Variants in MAMLD1 observed in about 807,000 individuals in gnomAD.
The protein encoded by MAMLD1 is mastermind-like domain-containing protein 1.
Under a neutral mutation model 45.0 loss-of-function variants are expected in MAMLD1, and 14 were observed. The ratio of observed to expected loss-of-function variants is 0.31; its 90% confidence interval spans 0.21 to 0.49. The LOEUF (loss-of-function observed/expected upper bound fraction) is 0.49. MAMLD1 is among the 20% of genes least tolerant of loss of function. The pLI, the probability that MAMLD1 is intolerant of heterozygous loss-of-function variation, is 0.99. For synonymous variants in MAMLD1, 254 were observed against 247.8 expected, an observed-to-expected ratio of 1.02 and a Z score of -0.24; for missense variants, 543 against 603.6, an observed-to-expected ratio of 0.90 and a Z score of 1.05.
At chrX:150,496,723 C>A (rs1557408289) in intron 5 of MAMLD1, among the ~76,000 whole-genome samples, 2 of 111,771 alleles carry the variant, frequency 1.8e-5, no homozygotes, top group African/African-American at 6.5e-5. Flanking sequence ...CCACCAACCT[C>A]ATTACCCAGC....
chrX:150,511,196 C>T lies in MAMLD1; in HGVS notation c.*45-808C>T, dbSNP rs782737551. Among the ~76,000 whole-genome samples, 93 of 111,071 alleles carry T rather than the reference C, an allele frequency of 8.4e-4. 1 individual carries two copies. The highest frequency in any genetic ancestry group is 3.0e-3 in the African/African-American group (92 of 30,564). ...CTGCTGCATGACTCAGTGTCCACCC[C>T]AAAAAAGTACCGGTAGATATTGGCC... is the stretch of plus-strand genomic sequence containing the variant. On this transcript the variant is annotated intron_variant, in intron 7 of 7. Coordinates refer to ENST00000370401, the MANE Select transcript of MAMLD1 (RefSeq NM_005491.5).
intron 1 of MAMLD1, among the ~76,000 whole-genome samples, chrX:150,409,688 T>C (rs1469151289): frequency 2.7e-5 from 3 of 111,783 alleles, no homozygotes; most frequent in African/African-American, 9.8e-5. Context: ...TCCTTTCCTC[T>C]GATAATGGCA....
intron 1 of MAMLD1, among the ~76,000 whole-genome samples, chrX:150,368,911 A>G (rs1282394590): frequency 9.0e-6 from 1 of 111,458 alleles, no homozygotes; most frequent in Non-Finnish European, 1.9e-5. Context: ...GTTCTGTTCC[A>G]TTGGTCTATA....
chrX:150,472,811 G>A (rs938460706), intron 4 of MAMLD1, among the ~76,000 whole-genome samples: 5 of 111,880 alleles, frequency 4.5e-5, no homozygotes, highest in African/African-American at 1.6e-4. Context: ...TAAATACCAG[G>A]AGGCAGGGTT....
chrX:150,403,987 A>AGGGAG (rs2033925080), intron 1 of MAMLD1, among the ~76,000 whole-genome samples: 1 of 96,803 alleles, frequency 1.0e-5, no homozygotes, highest in African/African-American at 3.8e-5. Context: ...AAAGAAAGAA[A>AGGGAG]GAAAGAAAGA....
At chrX:150,463,682 C>T (rs2036124646) in intron 3 of MAMLD1, among the ~76,000 whole-genome samples, 1 of 111,883 alleles carries the variant, frequency 8.9e-6, no homozygotes, top group African/African-American at 3.3e-5. Flanking sequence ...CTCCAGGCTG[C>T]TGCTCAGATA....
At chrX:150,442,819 A>C (rs782120442) in intron 1 of MAMLD1, among the ~76,000 whole-genome samples, 7 of 111,477 alleles carry the variant, frequency 6.3e-5, no homozygotes, top group African/African-American at 1.3e-4. Flanking sequence ...TTTTCTTTAG[A>C]TATTCTCTTT....
intron 1 of MAMLD1, among the ~76,000 whole-genome samples, chrX:150,383,302 G>C (rs889263048): frequency 9.0e-6 from 1 of 110,979 alleles, no homozygotes. Flanking sequence ...ATAAATGTCA[G>C]TTGCAAGTAT....
chrX:150,435,443 G>A (rs1050457862), intron 1 of MAMLD1, among the ~76,000 whole-genome samples: 1 of 111,742 alleles, frequency 8.9e-6, no homozygotes, highest in African/African-American at 3.3e-5. Context: ...GAACCTGGGA[G>A]GTGGAGGTTG....
chrX:150,447,307 C>T (rs1390199125), intron 2 of MAMLD1, among the ~76,000 whole-genome samples: 2 of 112,257 alleles, frequency 1.8e-5, no homozygotes, highest in African/African-American at 3.2e-5. Flanking sequence ...AAAGAGTTCT[C>T]TGTTGGTTCT....
chrX:150,423,567 T>C (rs1557403673), intron 1 of MAMLD1, among the ~76,000 whole-genome samples: 1 of 109,614 alleles, frequency 9.1e-6, no homozygotes, highest in African/African-American at 3.3e-5. Flanking sequence ...AGGGGGCCCT[T>C]TTCCTCCAGG....
Position 150,411,360 on chromosome X carries a change from C to T in MAMLD1, c.-63-34094C>T, listed in dbSNP as rs185647318. Among the ~76,000 whole-genome samples, 14 of 112,634 alleles carry T rather than the reference C, an allele frequency of 1.2e-4. No homozygotes were observed. In the Admixed American group the frequency reaches 1.3e-3, roughly 11 times the overall value. ...GGCTCCAGGGAGCTGGCTCCAATTA[C>T]ACCAGCCCCTGTCCCCCACAAGTTT... On this transcript the variant is annotated intron_variant, in intron 1 of 7. Coordinates refer to ENST00000370401, the MANE Select transcript of MAMLD1 (RefSeq NM_005491.5).
At chrX:150,453,144 T>C (rs782189359) in intron 2 of MAMLD1, among the ~76,000 whole-genome samples, 57 of 112,162 alleles carry the variant, frequency 5.1e-4, no homozygotes, top group Admixed American at 1.9e-4. Flanking sequence ...TGGAAAGAAC[T>C]TATTTCCCTC....
chrX:150,438,977 G>A (rs2035209006), intron 1 of MAMLD1, among the ~76,000 whole-genome samples: 1 of 111,914 alleles, frequency 8.9e-6, no homozygotes, highest in South Asian at 3.7e-4. Context: ...ATGTATGAGG[G>A]TTCCAATTTC....
chrX:150,418,500 T>C (rs1233870962), intron 1 of MAMLD1, among the ~76,000 whole-genome samples: 3 of 103,515 alleles, frequency 2.9e-5, no homozygotes, highest in Non-Finnish European at 5.9e-5. Context: ...TGTTTGCTCT[T>C]GCTTTTCTAG....
intron 1 of MAMLD1, among the ~76,000 whole-genome samples, chrX:150,371,073 A>AC (rs1453785483): frequency 6.4e-5 from 7 of 110,178 alleles, no homozygotes; most frequent in African/African-American, 2.0e-4. Flanking sequence ...CTGGAGGAGG[A>AC]CCCCCGACCC....
intron 3 of MAMLD1, among the ~76,000 whole-genome samples, chrX:150,464,146 C>G (rs2036142737): frequency 8.9e-6 from 1 of 111,738 alleles, no homozygotes; most frequent in Non-Finnish European, 1.9e-5. Context: ...AGCCACACAA[C>G]AAACGGAGGA....
At chrX:150,438,974 A>C (rs1336439968) in intron 1 of MAMLD1, among the ~76,000 whole-genome samples, 3 of 112,086 alleles carry the variant, frequency 2.7e-5, no homozygotes, top group Admixed American at 9.4e-5. Context: ...GCAATGTATG[A>C]GGGTTCCAAT....
At chrX:150,481,979 AG>A (rs1351375602) in intron 5 of MAMLD1, among the ~76,000 whole-genome samples, 5 of 90,497 alleles carry the variant, frequency 5.5e-5, no homozygotes, top group Non-Finnish European at 1.0e-4. Context: ...AAAGAAAGAA[AG>A]AAAGAAAGAA....
Sources: gnomAD v4.1 joint callset for allele counts (sites outside exome capture counted in the v4.1 genomes callset) on GRCh38, gnomAD v4.1.1 for gene constraint, MANE v1.5 for transcripts, NCBI Gene and HGNC (gene_info 2026-07-23, HGNC 2026-07-21) for gene names.